The following NCKAP5 variants were observed in gnomAD, a reference collection of about 807,000 sequenced individuals.
NCKAP5 encodes NCK associated protein 5.
A neutral mutation model predicts 167.0 loss-of-function variants in NCKAP5; 92 were observed. That is an observed-to-expected ratio of 0.55 (90% CI 0.47 to 0.66). NCKAP5 has a LOEUF of 0.66. NCKAP5 is among the 30% of genes least tolerant of loss of function. The probability of loss-of-function intolerance (pLI) is 0.00; values close to 1 mark genes in which losing one functional copy is unlikely to be tolerated. For missense variants in NCKAP5, 2,378 were observed against 2,315.0 expected (o/e 1.03, Z -0.56); for synonymous variants, 891 against 877.4 (o/e 1.02, Z -0.27).
intron 3 of NCKAP5, among the ~76,000 whole-genome samples, chr2:133,435,443 C>G (rs1041740438): frequency 2.6e-5 from 4 of 152,140 alleles, no homozygotes; most frequent in Non-Finnish European, 5.9e-5. Context: ...GATGACTAGG[C>G]ACACAGCTCA....
intron 1 of NCKAP5, among the ~76,000 whole-genome samples, chr2:133,560,633 C>G (rs1212018306): frequency 6.6e-6 from 1 of 152,072 alleles, no homozygotes; most frequent in East Asian, 1.9e-4. Context: ...AGGAAGAGAA[C>G]AGCTCTGGAC....
intron 5 of NCKAP5, among the ~76,000 whole-genome samples, chr2:133,147,476 T>C (rs1036597405): frequency 6.6e-6 from 1 of 152,160 alleles, no homozygotes; most frequent in South Asian, 2.1e-4. Context: ...TTGAATGATA[T>C]GAATAAGCTC....
intron 6 of NCKAP5, among the ~76,000 whole-genome samples, chr2:133,050,931 G>A (rs2079580783): frequency 6.6e-6 from 1 of 152,186 alleles, no homozygotes; most frequent in Non-Finnish European, 1.5e-5. Context: ...GTATATGCGC[G>A]ACTGAACGCA....
At chr2:132,945,505 A>G (rs985078650) in intron 8 of NCKAP5, among the ~76,000 whole-genome samples, 1 of 152,022 alleles carries the variant, frequency 6.6e-6, no homozygotes, top group Non-Finnish European at 1.5e-5. Context: ...AAGAGCCCAC[A>G]GCACGAATCG....
Position 132,883,205 on chromosome 2 carries a change from T to TACACACACACACAC in NCKAP5, c.580-4303_580-4290dup, listed in dbSNP as rs3044408. Among the ~76,000 whole-genome samples the TACACACACACACAC allele has an allele frequency of 9.4e-3, 1,318 of 139,714 alleles. 7 individuals are homozygous for TACACACACACACAC. The highest frequency in any genetic ancestry group is 0.039 in the Middle Eastern group (11 of 280). The allele number at this position is 139,714 out of a possible 152,430, so 91.7% of individuals were successfully genotyped here. A position where few individuals can be genotyped will look rare whatever the true frequency, so the allele number is the denominator to read the frequency against. ...CGACAAAACCAGACCCTGACTCAAA[T>TACACACACACACAC]ACACACACACACACACACACACACA... On this transcript the variant is annotated intron_variant, in intron 8 of 19. Coordinates refer to ENST00000409261, the MANE Select transcript of NCKAP5 (RefSeq NM_207363.3).
At position 132,842,286 on chromosome 2, in the gene NCKAP5, C is replaced by T. The variant is rs144533635; in HGVS notation, c.807+18206G>A. On this transcript the variant is annotated intron_variant, in intron 11 of 19. Transcript: ENST00000409261. The stretch of plus-strand genomic sequence containing the variant: ...ACATCTATGGCTATGATTTTTCTCC[C>T]TCATTCTTATATAGCTTAGCTCTCT... Among the ~76,000 whole-genome samples, 1,153 of 151,992 alleles carry T rather than the reference C, an allele frequency of 7.6e-3. 13 individuals are homozygous for T. The highest frequency in any genetic ancestry group is 0.027 in the African/African-American group (1,101 of 41,492).
chr2:132,792,681 T>C (rs1208571422), intron 12 of NCKAP5, among the ~76,000 whole-genome samples: 1 of 152,212 alleles, frequency 6.6e-6, no homozygotes, highest in Non-Finnish European at 1.5e-5. Context: ...CAAACTCCAA[T>C]GACCTTTCTG....
At chr2:133,054,487 G>A (rs1302493468) in intron 6 of NCKAP5, among the ~76,000 whole-genome samples, 2 of 152,152 alleles carry the variant, frequency 1.3e-5, no homozygotes, top group East Asian at 3.9e-4. Context: ...GGGAGCCTGG[G>A]AGAAGAACAT....
chr2:133,600,744 C>T, the NCKAP5 span, among the ~76,000 whole-genome samples: 3 of 152,318 alleles, frequency 2.0e-5, no homozygotes, highest in South Asian at 6.2e-4. Context: ...CAGTCACATT[C>T]ACAGGCCCTG....
At chr2:132,908,690 A>T (rs563714184) in intron 8 of NCKAP5, among the ~76,000 whole-genome samples, 1 of 152,186 alleles carries the variant, frequency 6.6e-6, no homozygotes, top group Non-Finnish European at 1.5e-5. Flanking sequence ...CTGTTGCAGG[A>T]TATTAAGAAA....
At chr2:133,360,643 C>G (rs948051893) in intron 3 of NCKAP5, among the ~76,000 whole-genome samples, 3 of 151,894 alleles carry the variant, frequency 2.0e-5, no homozygotes, top group Non-Finnish European at 4.4e-5. Context: ...TCCCAGAAGC[C>G]GAGAATAGTC....
At chr2:133,446,031 T>G (rs1029337587) in intron 3 of NCKAP5, among the ~76,000 whole-genome samples, 1 of 152,206 alleles carries the variant, frequency 6.6e-6, no homozygotes, top group East Asian at 1.9e-4. Flanking sequence ...CCAGGGCACT[T>G]GGCCATGTCT....
intron 9 of NCKAP5, 91 bp downstream of exon 9, chr2:132,878,757 G>T: frequency 1.1e-6 from 1 of 924,992 alleles, no homozygotes; most frequent in African/African-American, 1.6e-5. Context: ...GATGTTTTGT[G>T]GATACTGGTA....
intron 5 of NCKAP5, among the ~76,000 whole-genome samples, chr2:133,177,170 ATATAT>A (rs1187346059): frequency 4.8e-5 from 4 of 83,580 alleles, no homozygotes; most frequent in African/African-American, 3.1e-4. Flanking sequence ...TTTTCTATAT[ATATAT>A]ATATATATAT....
intron 6 of NCKAP5, among the ~76,000 whole-genome samples, chr2:133,017,016 G>A (rs1011586808): frequency 3.9e-5 from 6 of 152,206 alleles, no homozygotes; most frequent in African/African-American, 1.4e-4. Flanking sequence ...TTGATAGGCA[G>A]TGTGAAATGT....
chr2:133,628,223 T>A, the NCKAP5 span, among the ~76,000 whole-genome samples: 1 of 152,164 alleles, frequency 6.6e-6, no homozygotes, highest in Non-Finnish European at 1.5e-5. Flanking sequence ...GTAGATGACA[T>A]GATCTTATAT....
chr2:133,312,095 T>TA, intron 3 of NCKAP5, among the ~76,000 whole-genome samples: 1 of 152,290 alleles, frequency 6.6e-6, no homozygotes, highest in South Asian at 2.1e-4. Context: ...AATGGAGAGA[T>TA]AACTGATGAT....
At chr2:133,661,151 G>T in the NCKAP5 span, among the ~76,000 whole-genome samples, 1 of 151,980 alleles carries the variant, frequency 6.6e-6, no homozygotes, top group Admixed American at 6.6e-5. Context: ...GAAATGACGA[G>T]GATTGATGAG....
Position 132,707,549 on chromosome 2 carries a change from A to T in NCKAP5, c.5713+18078T>A, listed in dbSNP as rs529044921. On this transcript the variant is annotated intron_variant, in intron 19 of 19. Transcript: ENST00000409261. ...CTGGGGTGGCCAATGGAGTGCGTAC[A>T]TCACCCTCCCCCAACCCCAGGACCA... Among the ~76,000 whole-genome samples, 9 of 152,222 alleles carry T rather than the reference A, an allele frequency of 5.9e-5. No individual in the cohort carries two copies. In the East Asian group the frequency reaches 1.5e-3, roughly 26 times the overall value.
Sources: gnomAD v4.1 joint callset for allele counts (sites outside exome capture counted in the v4.1 genomes callset) on GRCh38, gnomAD v4.1.1 for gene constraint, MANE v1.5 for transcripts, NCBI Gene and HGNC (gene_info 2026-07-23, HGNC 2026-07-21) for gene names.